NCALD: variants seen among roughly 807,000 people sequenced by gnomAD.
NCALD encodes neurocalcin delta, also known as neurocalcin-delta.
NCALD carries 10 observed loss-of-function variants against 18.6 expected under a neutral mutation model. That is an observed-to-expected ratio of 0.54 (90% CI 0.33 to 0.91). The LOEUF (loss-of-function observed/expected upper bound fraction) is 0.91, where lower values mean the gene tolerates loss of function less well. Ranked by LOEUF, NCALD falls within the 40% of genes least tolerant of loss-of-function variation. The pLI is 0.03. For synonymous variants in NCALD, 88 were observed against 87.4 expected (o/e 1.01, Z -0.04); for missense variants, 184 against 247.6 (o/e 0.74, Z 1.72).
At chr8:102,120,751 A>C (rs564324170) in intron 1 of NCALD, among the ~76,000 whole-genome samples, 4 of 152,328 alleles carry the variant, frequency 2.6e-5, no homozygotes, top group Non-Finnish European at 5.9e-5. Context: ...TATCTCCTGA[A>C]AAATTATCAT....
At chr8:102,116,222 CG>C (rs1238096537) in intron 1 of NCALD, among the ~76,000 whole-genome samples, 3 of 152,052 alleles carry the variant, frequency 2.0e-5, no homozygotes, top group African/African-American at 7.3e-5. Flanking sequence ...CAAACCTGCA[CG>C]TTGTGCACAT....
chr8:101,880,636 T>C (rs920646895), intron 4 of NCALD, among the ~76,000 whole-genome samples: 1 of 152,226 alleles, frequency 6.6e-6, no homozygotes, highest in African/African-American at 2.4e-5. Context: ...AAAAATTGAA[T>C]TCTCCCCCAG....
chr8:101,984,670 G>A (rs1030368012), intron 2 of NCALD, among the ~76,000 whole-genome samples: 2 of 152,178 alleles, frequency 1.3e-5, no homozygotes, highest in African/African-American at 4.8e-5. Context: ...GCTACCAAAT[G>A]TAACCTTAGC....
chr8:101,778,643 C>A (rs1811889624), intron 1 of NCALD, among the ~76,000 whole-genome samples: 3 of 151,796 alleles, frequency 2.0e-5, no homozygotes, highest in South Asian at 4.2e-4. Context: ...TGAGAAAATC[C>A]TCTGAATGCA....
chr8:102,018,538 G>A (rs1822167291), intron 2 of NCALD, among the ~76,000 whole-genome samples: 1 of 152,074 alleles, frequency 6.6e-6, no homozygotes, highest in Admixed American at 6.5e-5. Flanking sequence ...CTGGAAAAAA[G>A]AGAAACCAGA....
At chr8:101,769,761 T>C (rs1266025389) in intron 1 of NCALD, among the ~76,000 whole-genome samples, 4 of 152,162 alleles carry the variant, frequency 2.6e-5, no homozygotes, top group Non-Finnish European at 5.9e-5. Flanking sequence ...TGAAGAAAAG[T>C]GTGTCCCTGT....
At chr8:101,878,971 T>C (rs1390407608) in intron 4 of NCALD, among the ~76,000 whole-genome samples, 1 of 152,222 alleles carries the variant, frequency 6.6e-6, no homozygotes, top group Non-Finnish European at 1.5e-5. Context: ...ACTTAAAATG[T>C]GGTCTACGGA....
intron 2 of NCALD, among the ~76,000 whole-genome samples, chr8:101,714,943 G>C (rs1815998755): frequency 1.3e-5 from 2 of 150,002 alleles, no homozygotes; most frequent in South Asian, 4.2e-4. Context: ...CTTGCAGTGA[G>C]CCGAGATTGC....
At chr8:102,079,132 T>C (rs1172524975) in intron 1 of NCALD, among the ~76,000 whole-genome samples, 2 of 152,344 alleles carry the variant, frequency 1.3e-5, no homozygotes, top group East Asian at 1.9e-4. Context: ...GCTGGCTGCA[T>C]TGCAATATCT....
chr8:102,036,160 A>AATTAATTT (rs916850462), intron 1 of NCALD, among the ~76,000 whole-genome samples: 3 of 151,708 alleles, frequency 2.0e-5, no homozygotes, highest in African/African-American at 7.3e-5. Flanking sequence ...TTAATTAATT[A>AATTAATTT]AATTAGCCAG....
At chr8:101,866,490 T>C (rs1167045273) in intron 4 of NCALD, among the ~76,000 whole-genome samples, 1 of 152,206 alleles carries the variant, frequency 6.6e-6, no homozygotes, top group Non-Finnish European at 1.5e-5. Context: ...CTCATCTACT[T>C]TGCATGTCTA....
chr8:101,952,695 T>C lies in NCALD; in HGVS notation c.-156-36837A>G, dbSNP rs574403130. ...AACACACCCCAGCTAAGGAGAAAGA[T>C]AGAAACACAGTGGGAAAGATTTGAA... On this transcript the variant is annotated intron_variant, in intron 2 of 6. Coordinates refer to the NCALD transcript ENST00000311028. 4.6e-5 allele frequency among the ~76,000 whole-genome samples: 7 copies of C among 152,258 alleles called. No individual in the cohort carries two copies. In the South Asian group the frequency reaches 1.0e-3, roughly 23 times the overall value.
At chr8:101,915,387 T>A (rs1238242450) in intron 3 of NCALD, 1 of 152,212 alleles carries the variant, frequency 6.6e-6, no homozygotes, top group Non-Finnish European at 1.5e-5. Flanking sequence ...GGTGCCAGAC[T>A]ATCTGATATC....
chr8:101,741,763 C>CAAAA (rs68064092), intron 1 of NCALD, among the ~76,000 whole-genome samples: 16 of 69,774 alleles, frequency 2.3e-4, no homozygotes, highest in Middle Eastern at 0.013. Flanking sequence ...CTCATCTCTA[C>CAAAA]AAAAAAAAAA....
At chr8:101,854,464 C>T (rs74490162) in intron 4 of NCALD, among the ~76,000 whole-genome samples, 9 of 152,130 alleles carry the variant, frequency 5.9e-5, no homozygotes, top group Admixed American at 3.9e-4. Flanking sequence ...ACTGTCCCTG[C>T]ACTTTTTCTC....
intron 2 of NCALD, among the ~76,000 whole-genome samples, chr8:101,930,753 C>A (rs1051207387): frequency 6.6e-6 from 1 of 152,092 alleles, no homozygotes; most frequent in Non-Finnish European, 1.5e-5. Context: ...AAATACTTCC[C>A]AGAGATAGCA....
At chr8:101,844,107 C>A (rs1016954081) in intron 4 of NCALD, among the ~76,000 whole-genome samples, 2 of 152,190 alleles carry the variant, frequency 1.3e-5, no homozygotes, top group African/African-American at 2.4e-5. Context: ...AACATCCTGA[C>A]CTTTTCCTGT....
intron 4 of NCALD, among the ~76,000 whole-genome samples, chr8:101,850,290 A>T (rs1212356071): frequency 1.3e-5 from 2 of 152,188 alleles, no homozygotes; most frequent in African/African-American, 4.8e-5. Flanking sequence ...TCTTGTGTCA[A>T]GGCAATTCCA....
intron 1 of NCALD, among the ~76,000 whole-genome samples, chr8:101,743,737 A>G (rs1438298387): frequency 2.0e-5 from 3 of 152,190 alleles, no homozygotes; most frequent in Admixed American, 2.0e-4. Context: ...TCATGAATTT[A>G]TGAGGACAGA....
Sources: allele counts gnomAD v4.1 joint callset (sites outside exome capture counted in the v4.1 genomes callset), GRCh38; gene constraint gnomAD v4.1.1; transcripts MANE v1.5; gene names NCBI Gene and HGNC (gene_info 2026-07-23, HGNC 2026-07-21).